The following DIAPH2 variants were observed in gnomAD, a reference collection of about 807,000 sequenced individuals.
The protein encoded by DIAPH2 is diaphanous related formin 2, also known as protein diaphanous homolog 2.
In DIAPH2, 35 loss-of-function variants were observed where a neutral mutation model predicts 92.7. The observed-to-expected ratio is 0.38, with a 90% CI of 0.29 to 0.50. The LOEUF is 0.50. Among genes scored for constraint, DIAPH2 ranks in the 20% least tolerant of loss-of-function variants. The pLI is 0.94. For synonymous variants in DIAPH2, 301 were observed against 280.4 expected (o/e 1.07, Z -0.73); for missense variants, 701 against 819.5 (o/e 0.86, Z 1.77).
chrX:96,989,412 TC>T (rs2066053431), intron 17 of DIAPH2, among the ~76,000 whole-genome samples: 1 of 111,907 alleles, frequency 8.9e-6, no homozygotes, highest in Admixed American at 9.6e-5. Context: ...GATTTCCTCA[TC>T]TTTTTAATCC....
chrX:96,976,083 C>T (rs1023444851), intron 17 of DIAPH2, among the ~76,000 whole-genome samples: 6 of 96,618 alleles, frequency 6.2e-5, no homozygotes, highest in African/African-American at 1.5e-4. Context: ...ATGATTACAA[C>T]TCACTGCGGC....
chrX:97,432,857 A>G (rs1476366181), intron 26 of DIAPH2, among the ~76,000 whole-genome samples: 3 of 112,046 alleles, frequency 2.7e-5, no homozygotes, highest in Non-Finnish European at 3.8e-5. Flanking sequence ...TCCTGACCTC[A>G]GGTGATCTAC....
intron 1 of DIAPH2, among the ~76,000 whole-genome samples, chrX:96,696,190 T>A (rs189662723): frequency 3.8e-3 from 424 of 111,492 alleles, no homozygotes; most frequent in South Asian, 6.8e-3. Flanking sequence ...GAGGCTGCAG[T>A]GAGCTGTGAT....
At chrX:97,134,238 T>C (rs2067156487) in intron 21 of DIAPH2, among the ~76,000 whole-genome samples, 1 of 112,036 alleles carries the variant, frequency 8.9e-6, no homozygotes, top group African/African-American at 3.2e-5. Flanking sequence ...TAGGTTATGA[T>C]ACCAATCAGT....
intron 17 of DIAPH2, among the ~76,000 whole-genome samples, chrX:96,966,051 G>T (rs888826695): frequency 2.7e-5 from 3 of 111,220 alleles, no homozygotes; most frequent in Non-Finnish European, 5.7e-5. Context: ...TTATGCCTTA[G>T]AATATGAGAA....
At chrX:97,334,737 C>T (rs747691225) in intron 23 of DIAPH2, among the ~76,000 whole-genome samples, 8 of 107,523 alleles carry the variant, frequency 7.4e-5, no homozygotes, top group African/African-American at 2.7e-4. Context: ...AATCCCAGCA[C>T]TTTGAGAGGC....
At chrX:96,791,211 T>C (rs17328460) in intron 4 of DIAPH2, among the ~76,000 whole-genome samples, 11,257 of 111,553 alleles carry the variant, frequency 0.1, 533 homozygotes, top group East Asian at 0.32. Context: ...AGAGGGAGTT[T>C]CCAGAAATAT....
At chrX:97,404,475 T>C (rs1260031156) in intron 25 of DIAPH2, among the ~76,000 whole-genome samples, 4 of 111,948 alleles carry the variant, frequency 3.6e-5, no homozygotes, top group Admixed American at 9.5e-5. Context: ...TTACATTTCT[T>C]TTTTCTTTAA....
chrX:97,123,889 C>T (rs2067074152), intron 21 of DIAPH2, among the ~76,000 whole-genome samples: 2 of 112,573 alleles, frequency 1.8e-5, no homozygotes, highest in East Asian at 5.5e-4. Flanking sequence ...TACCTGGTCT[C>T]CTTGTGTGTC....
At chrX:96,912,576 C>T in intron 7 of DIAPH2, 24 bp downstream of exon 7, 7 of 1,148,813 alleles carry the variant, frequency 6.1e-6, no homozygotes, top group Non-Finnish European at 6.9e-6. Context: ...ATTTCTGCCC[C>T]TGTCACAAAA....
Position 97,287,749 on chromosome X carries a change from A to G in DIAPH2, c.2844+39910A>G, listed in dbSNP as rs1309408199. 2.8e-5 allele frequency among the ~76,000 whole-genome samples: 3 copies of G among 106,739 alleles called. No homozygotes were observed. In the East Asian group the frequency reaches 8.7e-4, roughly 31 times the overall value. The allele number at this position is 106,739 out of a possible 115,157, so 92.7% of individuals were successfully genotyped here. ...AAAAAAAAAAAAAAAAAGTAAAGAA[A>G]AGAAAGAAACCAGCCTGGCCAACTT... is the stretch of plus-strand genomic sequence containing the variant. On this transcript the variant is annotated intron_variant, in intron 23 of 26. Transcript: ENST00000324765.
intron 21 of DIAPH2, among the ~76,000 whole-genome samples, chrX:97,127,973 A>C (rs1200736268): frequency 1.8e-5 from 2 of 110,496 alleles, no homozygotes; most frequent in Admixed American, 1.9e-4. Flanking sequence ...GCGCCACTAC[A>C]CTCCGCCTCA....
intron 17 of DIAPH2, among the ~76,000 whole-genome samples, chrX:97,017,414 G>A (rs1358914583): frequency 9.0e-6 from 1 of 111,345 alleles, no homozygotes; most frequent in Non-Finnish European, 1.9e-5. Context: ...TAAAGCACTG[G>A]GCAACAACAT....
intron 1 of DIAPH2, among the ~76,000 whole-genome samples, chrX:96,696,488 A>G (rs1333120629): frequency 8.9e-6 from 1 of 112,357 alleles, no homozygotes; most frequent in Non-Finnish European, 1.9e-5. Context: ...TCTGGATTCC[A>G]GTTAGACAAA....
chrX:97,217,091 A>G (rs1239906344), intron 22 of DIAPH2, among the ~76,000 whole-genome samples: 12 of 112,132 alleles, frequency 1.1e-4, no homozygotes, highest in Non-Finnish European at 2.3e-4. Flanking sequence ...AGAAGGACAG[A>G]AATAAAATAG....
chrX:97,368,563 C>T (rs2069405634), intron 24 of DIAPH2, among the ~76,000 whole-genome samples: 1 of 111,317 alleles, frequency 9.0e-6, no homozygotes, highest in South Asian at 3.8e-4. Context: ...TTGCCAGTGC[C>T]CCTCCCATGC....
intron 22 of DIAPH2, among the ~76,000 whole-genome samples, chrX:97,190,415 A>G (rs1349826229): frequency 8.9e-6 from 1 of 112,729 alleles, no homozygotes. Flanking sequence ...TGTACCCTTA[A>G]TAGGACCAAT....
At chrX:97,426,835 A>G (rs188839485) in intron 25 of DIAPH2, among the ~76,000 whole-genome samples, 200 of 111,895 alleles carry the variant, frequency 1.8e-3, no homozygotes, top group Non-Finnish European at 3.0e-3. Flanking sequence ...AGAATGTAAA[A>G]TACATCATTT....
At chrX:97,005,226 A>G (rs1247327891) in intron 17 of DIAPH2, among the ~76,000 whole-genome samples, 1 of 111,254 alleles carries the variant, frequency 9.0e-6, no homozygotes, top group East Asian at 2.8e-4. Flanking sequence ...TTTTGCATCA[A>G]TATTCATCAG....
Sources: gnomAD v4.1 joint callset for allele counts (sites outside exome capture counted in the v4.1 genomes callset) on GRCh38, gnomAD v4.1.1 for gene constraint, MANE v1.5 for transcripts, NCBI Gene and HGNC (gene_info 2026-07-23, HGNC 2026-07-21) for gene names.